Variants in CNKSR2 observed in about 807,000 individuals in gnomAD.
The protein encoded by CNKSR2 is CNK homolog protein 2.
A neutral mutation model predicts 84.4 loss-of-function variants in CNKSR2; 14 were observed. The observed-to-expected ratio is 0.17, with a 90% CI of 0.11 to 0.26. CNKSR2 has a LOEUF of 0.26. Among genes scored for constraint, CNKSR2 ranks in the 10% least tolerant of loss-of-function variants. The pLI is 1.00. For missense variants in CNKSR2, 485 were observed against 771.2 expected (o/e 0.63, Z 4.40); for synonymous variants, 275 against 277.9 (o/e 0.99, Z 0.10).
At chrX:21,566,853 G>A (rs1038645194) in intron 13 of CNKSR2, among the ~76,000 whole-genome samples, 2 of 111,118 alleles carry the variant, frequency 1.8e-5, no homozygotes, top group African/African-American at 3.3e-5. Flanking sequence ...TTGGCTTCAG[G>A]GTTCAACTCA....
At chrX:21,536,414 G>A (rs577302725) in intron 11 of CNKSR2, among the ~76,000 whole-genome samples, 1 of 110,390 alleles carries the variant, frequency 9.1e-6, no homozygotes, top group Non-Finnish European at 1.9e-5. Context: ...CTATTTTTTC[G>A]GATAGTTTGA....
intron 5 of CNKSR2, among the ~76,000 whole-genome samples, chrX:21,474,719 G>A (rs942022506): frequency 5.4e-5 from 6 of 111,662 alleles, no homozygotes; most frequent in Non-Finnish European, 1.1e-4. Context: ...ATAATGAAAC[G>A]CCTCTAAGTG....
At chrX:21,531,518 A>G (rs1473746011) in intron 10 of CNKSR2, among the ~76,000 whole-genome samples, 4 of 111,242 alleles carry the variant, frequency 3.6e-5, no homozygotes, top group Non-Finnish European at 7.6e-5. Context: ...CATTACTAAC[A>G]TTATACCTAC....
intron 1 of CNKSR2, among the ~76,000 whole-genome samples, chrX:21,377,931 A>G (rs2089842842): frequency 8.9e-6 from 1 of 111,928 alleles, no homozygotes; most frequent in South Asian, 3.7e-4. Flanking sequence ...TGATTGATCA[A>G]TTTTTATTAA....
intron 6 of CNKSR2, chrX:21,490,903 A>G (rs1403954492): frequency 8.0e-6 from 1 of 125,275 alleles, no homozygotes; most frequent in African/African-American, 3.2e-5. Context: ...TTTATAATAA[A>G]CACCACAATG....
At chrX:21,479,664 A>G (rs1242389257) in intron 5 of CNKSR2, among the ~76,000 whole-genome samples, 1 of 110,923 alleles carries the variant, frequency 9.0e-6, no homozygotes, top group African/African-American at 3.3e-5. Context: ...CCAAGGAAGG[A>G]TATCTTTTAA....
At chrX:21,620,413 T>C (rs761349574) in intron 20 of CNKSR2, among the ~76,000 whole-genome samples, 4 of 111,139 alleles carry the variant, frequency 3.6e-5, no homozygotes, top group Non-Finnish European at 5.7e-5. Flanking sequence ...GGGCTTGGCA[T>C]GGAAAATGAG....
intron 17 of CNKSR2, among the ~76,000 whole-genome samples, chrX:21,599,964 A>G (rs1034696131): frequency 4.5e-5 from 5 of 111,828 alleles, no homozygotes; most frequent in African/African-American, 1.3e-4. Flanking sequence ...GTGTCTATAT[A>G]TATACCATGC....
intron 11 of CNKSR2, among the ~76,000 whole-genome samples, chrX:21,545,963 A>G (rs764236771): frequency 1.8e-5 from 2 of 112,126 alleles, no homozygotes; most frequent in South Asian, 7.5e-4. Flanking sequence ...CACGAAGATG[A>G]AGAAAAACCA....
intron 11 of CNKSR2, among the ~76,000 whole-genome samples, chrX:21,548,194 TAAAG>T (rs2092047494): frequency 1.8e-5 from 2 of 110,166 alleles, no homozygotes; most frequent in Non-Finnish European, 3.8e-5. Context: ...AAGGAAAAAA[TAAAG>T]AAGAATCAAA....
intron 1 of CNKSR2, among the ~76,000 whole-genome samples, chrX:21,416,707 A>C (rs190465821): frequency 4.2e-3 from 472 of 111,383 alleles, no homozygotes; most frequent in Non-Finnish European, 6.1e-3. Context: ...AAGATTTTCC[A>C]GTTTATCAGC....
chrX:21,430,568 G>A, intron 2 of CNKSR2, among the ~76,000 whole-genome samples: 1 of 111,402 alleles, frequency 9.0e-6, no homozygotes, highest in Non-Finnish European at 1.9e-5. Flanking sequence ...GCAAACAAAT[G>A]TTTTCTTATT....
chrX:21,464,312 A>G (rs2091099333), intron 4 of CNKSR2, among the ~76,000 whole-genome samples: 1 of 111,950 alleles, frequency 8.9e-6, no homozygotes, highest in Non-Finnish European at 1.9e-5. Context: ...CACTCTCATC[A>G]TCAGGCAGCT....
intron 5 of CNKSR2, among the ~76,000 whole-genome samples, chrX:21,488,310 T>C (rs1265904118): frequency 2.7e-5 from 3 of 112,193 alleles, no homozygotes; most frequent in African/African-American, 9.7e-5. Context: ...AGGAGCCATA[T>C]TGAACTCTTT....
chrX:21,405,519 A>G (rs2090252114), intron 1 of CNKSR2, among the ~76,000 whole-genome samples: 1 of 110,913 alleles, frequency 9.0e-6, no homozygotes, highest in Non-Finnish European at 1.9e-5. Context: ...AAACTTGCTT[A>G]TTGTTCTGTG....
intron 1 of CNKSR2, among the ~76,000 whole-genome samples, chrX:21,390,115 T>A (rs1040417398): frequency 2.7e-5 from 3 of 112,223 alleles, no homozygotes; most frequent in Admixed American, 1.9e-4. Context: ...CCAGTGTTCC[T>A]TCTAATTGTA....
Position 21,591,034 on chromosome X carries a change from G to T in CNKSR2, c.1670G>T (p.Gly557Val). ...SKKKNKGPIAGKSKRRISCKD... is the reference protein window; with the variant it reads ...SKKKNKGPIAVKSKRRISCKD... The stretch of plus-strand genomic sequence containing the variant: ...TTCCACCCTTTAGGTCCTATAGCAG[G>T]CAAGAGCAAAAGACGAATTTCTTGC... Residue 557 changes from glycine (G) to valine (V), a missense_variant, in exon 15 of 22, where the codon GGC (glycine) becomes GTC (valine). Around this residue, in one of 5 missense-constraint regions of CNKSR2, gnomAD observed 30 missense variants for 78.9 expected, o/e 0.38. Transcript: ENST00000379510. The T allele has an allele frequency of 6.6e-6, 8 of 1,208,379 alleles. No homozygotes were observed. Among genetic ancestry groups the T allele is most frequent in the Non-Finnish European group, 9.0e-6 (8 of 893,786 alleles).
At chrX:21,432,020 A>G (rs2090639790) in intron 2 of CNKSR2, among the ~76,000 whole-genome samples, 1 of 112,132 alleles carries the variant, frequency 8.9e-6, no homozygotes, top group Non-Finnish European at 1.9e-5. Context: ...AGGAGAAAGT[A>G]TATTAGTTCC....
intron 13 of CNKSR2, among the ~76,000 whole-genome samples, chrX:21,587,636 T>C (rs1358654378): frequency 1.8e-5 from 2 of 112,125 alleles, no homozygotes; most frequent in Non-Finnish European, 3.8e-5. Context: ...AATAATTCCA[T>C]CAGTTCTGCT....
Sources: gnomAD v4.1 joint callset for allele counts (sites outside exome capture counted in the v4.1 genomes callset) on GRCh38, gnomAD v4.1.1 for gene constraint, gnomAD v4.1.1 regional missense constraint, MANE v1.5 for transcripts, NCBI Gene and HGNC (gene_info 2026-07-23, HGNC 2026-07-21) for gene names.